The following THSD7B variants were observed in gnomAD, a reference collection of about 807,000 sequenced individuals.
THSD7B encodes thrombospondin type-1 domain-containing protein 7B.
A neutral mutation model predicts 213.6 loss-of-function variants in THSD7B; 138 were observed. The ratio of observed to expected loss-of-function variants is 0.65; its 90% CI spans 0.56 to 0.74. The LOEUF (loss-of-function observed/expected upper bound fraction) is 0.74. THSD7B is among the 30% of genes least tolerant of loss of function. The pLI, the probability that THSD7B is intolerant of heterozygous loss-of-function variation, is 0.00. For synonymous variants in THSD7B, 742 were observed against 687.0 expected, an observed-to-expected ratio of 1.08 and a Z score of -1.25; for missense variants, 1,931 against 1,991.5, an observed-to-expected ratio of 0.97 and a Z score of 0.58.
intron 14 of THSD7B, among the ~76,000 whole-genome samples, chr2:137,449,137 A>G (rs1212926263): frequency 6.6e-6 from 1 of 150,962 alleles, no homozygotes; most frequent in Non-Finnish European, 1.5e-5. Context: ...AAACAGAACA[A>G]TTAAGAAAAA....
intron 2 of THSD7B, among the ~76,000 whole-genome samples, chr2:136,989,221 A>C (rs1685721537): frequency 6.6e-6 from 1 of 151,938 alleles, no homozygotes; most frequent in Non-Finnish European, 1.5e-5. Flanking sequence ...GGTATACAAT[A>C]CGGTTTGGAT....
At chr2:137,584,247 A>G (rs1190714314) in intron 17 of THSD7B, among the ~76,000 whole-genome samples, 1 of 152,160 alleles carries the variant, frequency 6.6e-6, no homozygotes, top group African/African-American at 2.4e-5. Context: ...GGTTGAGATG[A>G]TTAGGTTTTC....
At chr2:137,458,577 G>A (rs1231915537) in intron 15 of THSD7B, among the ~76,000 whole-genome samples, 1 of 152,150 alleles carries the variant, frequency 6.6e-6, no homozygotes. Flanking sequence ...CAAGCGGAAA[G>A]CTTGCTCAAA....
chr2:136,957,506 A>G (rs570682456), intron 2 of THSD7B, among the ~76,000 whole-genome samples: 2 of 151,576 alleles, frequency 1.3e-5, no homozygotes, highest in South Asian at 2.1e-4. Context: ...TGAAACTAGT[A>G]CCAGAAAGAG....
At position 137,231,057 on chromosome 2, in the gene THSD7B, A is replaced by G; in HGVS notation, c.1737A>G (p.Ser579=). 6.2e-7 allele frequency: 1 copy of G among 1,613,290 alleles called. No individual in the cohort carries two copies. The highest frequency in any genetic ancestry group is 8.5e-7 in the Non-Finnish European group (1 of 1,179,692). The part of the protein sequence containing the change: ...VCQNDRGEDV[S]GSLCPVPPPP... ...TGTTGATTGTAGGAGAAGATGTATC[A>G]GGGAGTCTTTGCCCAGTTCCCCCTC... Residue 579 remains serine, a synonymous_variant, in exon 8 of 28, where the codon TCA becomes TCG. Transcript: ENST00000409968.
chr2:137,621,391 A>T (rs1445265875), intron 20 of THSD7B, among the ~76,000 whole-genome samples: 1 of 152,252 alleles, frequency 6.6e-6, no homozygotes, highest in Non-Finnish European at 1.5e-5. Flanking sequence ...TTACATTATC[A>T]CATAATGTTG....
chr2:137,179,965 A>C lies in THSD7B; in HGVS notation c.1723+9027A>C, dbSNP rs374857101. On this transcript the variant is annotated intron_variant, in intron 7 of 27. Transcript: ENST00000409968. ...TGCTGGTCTAGAATCTCAAGTGAAT[A>C]TTATGTTTATCACCTGTGCAAGATT... Among the ~76,000 whole-genome samples, 8 of 152,258 alleles carry C rather than the reference A, an allele frequency of 5.3e-5. No homozygotes were observed. In the East Asian group the frequency reaches 1.4e-3, roughly 26 times the overall value.
chr2:137,288,399 G>A (rs1683234946), intron 12 of THSD7B, among the ~76,000 whole-genome samples: 1 of 152,112 alleles, frequency 6.6e-6, no homozygotes, highest in East Asian at 1.9e-4. Context: ...ATGAAACTTA[G>A]CAAGTACATA....
intron 17 of THSD7B, among the ~76,000 whole-genome samples, chr2:137,604,816 A>G (rs927507759): frequency 2.0e-5 from 3 of 152,302 alleles, no homozygotes; most frequent in South Asian, 2.1e-4. Flanking sequence ...ATCTATGAAT[A>G]ATATTATGCA....
chr2:137,153,195 T>C (rs928857133), intron 5 of THSD7B, among the ~76,000 whole-genome samples: 5 of 152,196 alleles, frequency 3.3e-5, no homozygotes, highest in Non-Finnish European at 2.9e-5. Context: ...TCTAAAATTA[T>C]ATATGTGCTT....
chr2:137,027,017 T>G (rs1032269406), intron 2 of THSD7B, among the ~76,000 whole-genome samples: 7 of 152,228 alleles, frequency 4.6e-5, no homozygotes, highest in Admixed American at 6.5e-5. Flanking sequence ...TTCCCATTAT[T>G]GCAGGCAGCA....
At chr2:137,669,212 G>A (rs1410169251) in intron 27 of THSD7B, among the ~76,000 whole-genome samples, 1 of 152,010 alleles carries the variant, frequency 6.6e-6, no homozygotes, top group African/African-American at 2.4e-5. Flanking sequence ...TTCAAATTCA[G>A]CCATTGTCTA....
rs144362608 is a variant in THSD7B, at chr2:137,108,732, T to G, written c.1200-6392T>G. ...CATATTAAATCTTAACTGTTTCTAC[T>G]CATGCAGATACACTCGTGAACCATT... is the stretch of plus-strand genomic sequence containing the variant. On this transcript the variant is annotated intron_variant, in intron 4 of 27. Transcript: ENST00000409968. Among the ~76,000 whole-genome samples the G allele has an allele frequency of 1.7e-3, 254 of 152,328 alleles. 3 individuals are homozygous for G. Among genetic ancestry groups the G allele is most frequent in the African/African-American group, 5.8e-3 (242 of 41,570 alleles).
chr2:136,772,277 T>A (rs368374627), intron 1 of THSD7B, among the ~76,000 whole-genome samples: 17 of 152,164 alleles, frequency 1.1e-4, no homozygotes, highest in African/African-American at 4.1e-4. Flanking sequence ...TGCCAAGGCC[T>A]CTATAGTCAA....
chr2:137,363,346 C>T (rs1391920541), intron 12 of THSD7B, among the ~76,000 whole-genome samples: 2 of 152,002 alleles, frequency 1.3e-5, no homozygotes, highest in East Asian at 3.9e-4. Context: ...CAAGAGCAAA[C>T]AAATTCAAAA....
chr2:137,516,088 C>T (rs1050994501), intron 15 of THSD7B, among the ~76,000 whole-genome samples: 1 of 152,168 alleles, frequency 6.6e-6, no homozygotes, highest in Non-Finnish European at 1.5e-5. Flanking sequence ...AGCACTCAAC[C>T]AACAAAGGTA....
intron 2 of THSD7B, among the ~76,000 whole-genome samples, chr2:136,971,836 G>GAT (rs1685410303): frequency 6.6e-6 from 1 of 152,072 alleles, no homozygotes; most frequent in Non-Finnish European, 1.5e-5. Context: ...GAAGTTTCGA[G>GAT]ATAGGGAAGC....
intron 12 of THSD7B, among the ~76,000 whole-genome samples, chr2:137,331,169 CA>C (rs778650065): frequency 7.9e-5 from 11 of 139,282 alleles, no homozygotes; most frequent in Non-Finnish European, 1.5e-4. Context: ...AAGGCCCCAC[CA>C]GAGCAGCTAG....
intron 15 of THSD7B, among the ~76,000 whole-genome samples, chr2:137,493,007 G>A (rs1294068922): frequency 6.6e-6 from 1 of 150,390 alleles, no homozygotes; most frequent in Non-Finnish European, 1.5e-5. Flanking sequence ...TATAATCCCA[G>A]CTACTTGGGA....
Sources: gnomAD v4.1 joint callset for allele counts (sites outside exome capture counted in the v4.1 genomes callset) on GRCh38, gnomAD v4.1.1 for gene constraint, MANE v1.5 for transcripts, NCBI Gene and HGNC (gene_info 2026-07-23, HGNC 2026-07-21) for gene names.